The following ZNF516 variants were observed in gnomAD, a reference collection of about 807,000 sequenced individuals.
ZNF516 encodes the protein zinc finger protein 516.
A neutral mutation model predicts 79.7 loss-of-function variants in ZNF516; 19 were observed. The ratio of observed to expected loss-of-function variants is 0.24; its 90% CI spans 0.17 to 0.35. The LOEUF (loss-of-function observed/expected upper bound fraction) is 0.35. ZNF516 is among the 10% of genes least tolerant of loss of function. The pLI is 1.00. For missense variants in ZNF516, 1,678 were observed against 1,679.5 expected, an observed-to-expected ratio of 1.00 and a Z score of 0.02; for synonymous variants, 877 against 739.5, an observed-to-expected ratio of 1.19 and a Z score of -3.02.
intron 4 of ZNF516, among the ~76,000 whole-genome samples, chr18:76,374,882 T>G (rs924591460): frequency 2.0e-5 from 3 of 152,054 alleles, no homozygotes; most frequent in Non-Finnish European, 4.4e-5. Context: ...AGAGATACAC[T>G]TGTATAATAA....
chr18:76,397,760 G>A (rs1041335854), intron 3 of ZNF516, among the ~76,000 whole-genome samples: 1 of 152,040 alleles, frequency 6.6e-6, no homozygotes, highest in Non-Finnish European at 1.5e-5. Flanking sequence ...ACCATGCTTG[G>A]CTACTTTTTT....
At chr18:76,400,355 T>C (rs2075202205) in intron 3 of ZNF516, among the ~76,000 whole-genome samples, 1 of 152,236 alleles carries the variant, frequency 6.6e-6, no homozygotes, top group Non-Finnish European at 1.5e-5. Context: ...GTGATGTGTG[T>C]CTTCTGGTAA....
rs1220767178 is a variant in ZNF516 at position 76,443,095 on chromosome 18, T to C, written c.-41A>G. On this transcript the variant is annotated 5_prime_UTR_variant, in exon 3 of 7. Transcript: ENST00000443185. Reference sequence around the variant, plus strand: ...GGCCGGTGGTGGCGGCACAGCTTTCTGTCGCGCGGGCTGCAGGGACCGTCC... The same window carrying C: ...GGCCGGTGGTGGCGGCACAGCTTTCCGTCGCGCGGGCTGCAGGGACCGTCC... 2 of 1,536,766 alleles carry C rather than the reference T, an allele frequency of 1.3e-6. No individual in the cohort carries two copies. Among genetic ancestry groups the C allele is most frequent in the Admixed American group, 2.1e-5 (1 of 48,766 alleles).
At chr18:76,479,962 T>G (rs879333455) in intron 1 of ZNF516, among the ~76,000 whole-genome samples, 8 of 152,302 alleles carry the variant, frequency 5.3e-5, no homozygotes, top group Middle Eastern at 6.8e-3. Context: ...CTTAGTGTCC[T>G]GGTTTGAAAA....
chr18:76,435,217 C>T (rs746366507), intron 3 of ZNF516, among the ~76,000 whole-genome samples: 2 of 152,152 alleles, frequency 1.3e-5, no homozygotes, highest in African/African-American at 4.8e-5. Context: ...GTACCAAGTA[C>T]GTACATCCCA....
intron 6 of ZNF516, among the ~76,000 whole-genome samples, chr18:76,368,774 T>G (rs777498773): frequency 3.9e-5 from 6 of 152,228 alleles, no homozygotes; most frequent in Non-Finnish European, 8.8e-5. Flanking sequence ...TATAAACAAC[T>G]GGTTATGCTG....
At position 76,442,699 on chromosome 18, in the gene ZNF516, T is replaced by C; in HGVS notation, c.356A>G (p.Lys119Arg). Residue 119 changes from lysine to arginine, a missense_variant, in exon 3 of 7, where the codon AAG (lysine) becomes AGG (arginine). Transcript: ENST00000443185. Reference protein sequence around the residue: ...EGLDACASPTKSASACNRLLN... With the variant: ...EGLDACASPTRSASACNRLLN... ...CAGCCGGTTGCAGGCCGAGGCGCTCTTGGTGGGGCTGGCGCAGGCGTCCAG... is the reference window on the plus strand; with the variant it reads ...CAGCCGGTTGCAGGCCGAGGCGCTCCTGGTGGGGCTGGCGCAGGCGTCCAG... The C allele has an allele frequency of 6.3e-7, 1 of 1,583,416 alleles. No individual in the cohort carries two copies.
chr18:76,444,153 G>A (rs1436928981), intron 2 of ZNF516, among the ~76,000 whole-genome samples: 1 of 152,248 alleles, frequency 6.6e-6, no homozygotes, highest in Non-Finnish European at 1.5e-5. Context: ...CACAGGGTAA[G>A]TAAGGTAAAG....
At chr18:76,427,466 T>C (rs2075610578) in intron 3 of ZNF516, among the ~76,000 whole-genome samples, 1 of 152,164 alleles carries the variant, frequency 6.6e-6, no homozygotes, top group Admixed American at 6.5e-5. Flanking sequence ...CAGATCAATA[T>C]GGGAAAATGT....
chr18:76,377,712 G>GTTTTT (rs1344595134), intron 4 of ZNF516, among the ~76,000 whole-genome samples: 2 of 134,780 alleles, frequency 1.5e-5, no homozygotes, highest in African/African-American at 2.6e-5. Context: ...GGCTTACAAC[G>GTTTTT]TTATTTTTTT....
Position 76,442,323 on chromosome 18 carries a change from G to A in ZNF516, c.732C>T (p.Ser244=). ...ACVENGKPEL[S]PGEFPCEVCG... ...ACACCTCGCACGGGAACTCCCCGGG[G>A]CTCAGCTCGGGCTTGCCGTTCTCCA... The change falls in exon 3 of 7, where the codon AGC becomes AGT. Residue 244 remains serine, a synonymous_variant. Coordinates refer to ENST00000443185, the MANE Select transcript of ZNF516 (RefSeq NM_014643.4). The A allele has an allele frequency of 1.9e-6, 3 of 1,611,340 alleles. No individual in the cohort carries two copies. Among genetic ancestry groups the A allele is most frequent in the Non-Finnish European group, 2.5e-6 (3 of 1,179,278 alleles).
In ZNF516 at chr18:76,493,688, T is replaced by C. The variant is rs1176135607; in HGVS notation, c.-272+1456A>G. ...ACGTCACAATTCACTCCCTGAAAAA[T>C]CACACTCCCCCTCCAGTTTCTTCCC... On this transcript the variant is annotated intron_variant, in intron 1 of 6. Coordinates refer to ENST00000443185, the MANE Select transcript of ZNF516 (RefSeq NM_014643.4). The surrounding 1 kb of genome is among the most constrained non-coding windows in gnomAD (Gnocchi z 5.2). The C allele has an allele frequency of 6.6e-6, 1 of 152,216 alleles. No homozygotes were observed. The highest frequency in any genetic ancestry group is 2.4e-5 in the African/African-American group (1 of 41,438). The allele number at this position is 152,216 out of a possible 1,614,324, so 9.4% of individuals were successfully genotyped here.
intron 5 of ZNF516, among the ~76,000 whole-genome samples, chr18:76,370,879 C>T (rs1443095648): frequency 6.6e-6 from 1 of 152,164 alleles, no homozygotes; most frequent in East Asian, 1.9e-4. Context: ...CATTACTTAC[C>T]ACTCGGCCTG....
intron 3 of ZNF516, chr18:76,386,876 A>G (rs144174077): frequency 3.3e-4 from 50 of 152,326 alleles, no homozygotes; most frequent in African/African-American, 1.1e-3. Flanking sequence ...GGCAACCATC[A>G]TGATGGTTCC....
At position 76,432,644 on chromosome 18, in the gene ZNF516, T is replaced by C. The variant is rs550234938; in HGVS notation, c.1810+8601A>G. ...TGGGCCCCAGCGCCAATGAAACTCA[T>C]GGATCTTCCCACATCCTCTGGCCTC... On this transcript the variant is annotated intron_variant, in intron 3 of 6. Transcript: ENST00000443185. Among the ~76,000 whole-genome samples, 13 of 152,314 alleles carry C rather than the reference T, an allele frequency of 8.5e-5. No individual in the cohort carries two copies. The South Asian group carries it at 2.7e-3, about 32-fold the overall frequency.
At chr18:76,418,469 T>A (rs1568275167) in intron 3 of ZNF516, among the ~76,000 whole-genome samples, 2 of 152,076 alleles carry the variant, frequency 1.3e-5, no homozygotes, top group Non-Finnish European at 2.9e-5. Flanking sequence ...TGTAACACGC[T>A]ACAACATGCT....
At chr18:76,399,786 G>A (rs930998005) in intron 3 of ZNF516, among the ~76,000 whole-genome samples, 3 of 152,094 alleles carry the variant, frequency 2.0e-5, no homozygotes, top group Non-Finnish European at 4.4e-5. Flanking sequence ...GGGTGACATC[G>A]TCCATTCAAT....
Position 76,409,856 on chromosome 18 carries a change from C to T in ZNF516, c.1811-29553G>A, listed in dbSNP as rs568625799. ...GGTTTGGCTGTGTCCCCACCCAAAT[C>T]TCACCTTGAATTGTAGTAATCCCCA... On this transcript the variant is annotated intron_variant, in intron 3 of 6. Coordinates refer to ENST00000443185, the MANE Select transcript of ZNF516 (RefSeq NM_014643.4). 2.2e-4 allele frequency among the ~76,000 whole-genome samples: 34 copies of T among 152,288 alleles called. No homozygotes were observed. In the Middle Eastern group the frequency reaches 0.01, roughly 46 times the overall value.
chr18:76,385,115 G>A (rs973218217), intron 3 of ZNF516, among the ~76,000 whole-genome samples: 10 of 152,208 alleles, frequency 6.6e-5, no homozygotes, highest in Admixed American at 2.0e-4. Flanking sequence ...CCAACCCCAC[G>A]AGTGTGCACA....
Sources: allele counts gnomAD v4.1 joint callset (sites outside exome capture counted in the v4.1 genomes callset), GRCh38; gene constraint gnomAD v4.1.1; non-coding constraint Gnocchi (gnomAD v3.1); transcripts MANE v1.5; gene names NCBI Gene and HGNC (gene_info 2026-07-23, HGNC 2026-07-21).